The following CGAS variants were observed in gnomAD, a reference collection of about 807,000 sequenced individuals.
The protein encoded by CGAS is 2'3'-cGAMP synthase.
CGAS carries 31 observed loss-of-function variants against 34.0 expected under a neutral mutation model. That is an observed-to-expected ratio of 0.91 (90% CI 0.69 to 1.23). The LOEUF (loss-of-function observed/expected upper bound fraction) is 1.23. CGAS is among the 50% of genes most tolerant of loss of function. The pLI, the probability that CGAS is intolerant of heterozygous loss-of-function variation, is 0.00. For missense variants in CGAS, 597 were observed against 657.6 expected (o/e 0.91, Z 1.01); for synonymous variants, 266 against 260.0 (o/e 1.02, Z -0.22).
At position 73,444,344 on chromosome 6, in the gene CGAS, T is replaced by C. The variant is rs992897911; in HGVS notation, c.877+1184A>G. Among the ~76,000 whole-genome samples the C allele has an allele frequency of 3.3e-5, 5 of 150,868 alleles. No individual in the cohort carries two copies. The East Asian group carries it at 9.8e-4, about 29-fold the overall frequency. ...TTATTTTGAGATGGAGTTTCGCTCT[T>C]GTCACTCAGGCTGGAGTGCAATGCC... On this transcript the variant is annotated intron_variant, in intron 2 of 4. Transcript: ENST00000370315.
rs1302382797 is a variant in CGAS, at chr6:73,424,611, T to C, written c.*616A>G. The C allele has an allele frequency of 6.6e-6, 1 of 152,154 alleles. No homozygotes were observed. Among genetic ancestry groups the C allele is most frequent in the Non-Finnish European group, 1.5e-5 (1 of 68,036 alleles). The allele number at this position is 152,154 out of a possible 1,614,324, so 9.4% of individuals were successfully genotyped here. On this transcript the variant is annotated 3_prime_UTR_variant, in exon 5 of 5. Transcript: ENST00000370315. The stretch of plus-strand genomic sequence containing the variant: ...GATAAAGCAAACATGGTAATGTTTT[T>C]AGATTTCAAATACTACTTTTGCTTC...
At chr6:73,450,977 G>C (rs1332791547) in intron 1 of CGAS, among the ~76,000 whole-genome samples, 1 of 132,568 alleles carries the variant, frequency 7.5e-6, no homozygotes, top group African/African-American at 2.9e-5. Flanking sequence ...GGGACGCAGC[G>C]AGACTCCGCC....
intron 2 of CGAS, among the ~76,000 whole-genome samples, chr6:73,444,495 G>C (rs1770436677): frequency 6.6e-6 from 1 of 151,256 alleles, no homozygotes; most frequent in African/African-American, 2.4e-5. Context: ...TTTTAGTAGA[G>C]ATGGGGTTTC....
Position 73,425,570 on chromosome 6 carries a change from C to G in CGAS, c.1226G>C (p.Cys409Ser). The change falls in exon 5 of 5, where the codon TGT becomes TCT. Residue 409 changes from cysteine to serine, a missense_variant. Cys to Ser is a moderately radical substitution (Grantham distance 112). This residue lies in a region of CGAS where 271 missense variants were observed against 324.1 expected (regional missense o/e 0.84). Transcript: ENST00000370315. ...NKEEKCCRKD[C>S]LKLMKYLLEQ... ...TAAAAGGTATTTCATTAGTTTTAAACAATCTTTCCTGTTGAATAAAAAAGG... is the reference window on the plus strand; with the variant it reads ...TAAAAGGTATTTCATTAGTTTTAAAGAATCTTTCCTGTTGAATAAAAAAGG... 6 of 1,572,178 alleles carry G rather than the reference C, an allele frequency of 3.8e-6. No homozygotes were observed. The highest frequency in any genetic ancestry group is 5.2e-6 in the Non-Finnish European group (6 of 1,160,386).
intron 1 of CGAS, among the ~76,000 whole-genome samples, chr6:73,451,047 G>A (rs569277712): frequency 6.6e-6 from 1 of 151,868 alleles, no homozygotes; most frequent in African/African-American, 2.4e-5. Context: ...GGGGTCAGAC[G>A]GGATAGCAGG....
chr6:73,436,754 C>T (rs986372212), intron 3 of CGAS, among the ~76,000 whole-genome samples: 2 of 151,012 alleles, frequency 1.3e-5, no homozygotes, highest in Non-Finnish European at 1.5e-5. Flanking sequence ...AACTCCTGAG[C>T]TCAAATGATC....
intron 3 of CGAS, among the ~76,000 whole-genome samples, chr6:73,438,166 A>C (rs1020770158): frequency 1.2e-4 from 18 of 152,248 alleles, no homozygotes; most frequent in African/African-American, 3.6e-4. Context: ...TGTTTAGAGA[A>C]AGAAAAGATA....
chr6:73,451,382 A>T, intron 1 of CGAS, 143 bp downstream of exon 1: 2 of 953,754 alleles, frequency 2.1e-6, no homozygotes, highest in Non-Finnish European at 3.1e-6. Flanking sequence ...TTGTCGTTTT[A>T]CTTAGACTAG....
At chr6:73,437,659 A>G (rs1166701730) in intron 3 of CGAS, among the ~76,000 whole-genome samples, 1 of 152,208 alleles carries the variant, frequency 6.6e-6, no homozygotes, top group African/African-American at 2.4e-5. Context: ...TTTTATCTTA[A>G]GAACAAAAAA....
In CGAS at chr6:73,425,322, A is replaced by C; in HGVS notation, c.1474T>G (p.Ser492Ala). 3 of 1,609,178 alleles carry C rather than the reference A, an allele frequency of 1.9e-6. No individual in the cohort carries two copies. Among genetic ancestry groups the C allele is most frequent in the Non-Finnish European group, 1.7e-6 (2 of 1,178,938 alleles). The change falls in exon 5 of 5, where the codon TCT (serine) becomes GCT (alanine). Residue 492 changes from serine to alanine, a missense_variant. Ser to Ala is a moderately conservative substitution (Grantham distance 99). Coordinates refer to ENST00000370315, the MANE Select transcript of CGAS (RefSeq NM_138441.3). Reference sequence around the variant, plus strand: ...CTTCTTTTGTCAATTAAGTTGCTAGAGAATAGATTGAATTCAGGAATAAAA... The same window carrying C: ...CTTCTTTTGTCAATTAAGTTGCTAGCGAATAGATTGAATTCAGGAATAAAA... ...NYFIPEFNLF[S>A]SNLIDKRSKE...
intron 1 of CGAS, among the ~76,000 whole-genome samples, chr6:73,449,402 T>C (rs904015058): frequency 4.0e-5 from 6 of 150,784 alleles, no homozygotes; most frequent in South Asian, 2.1e-4. Context: ...GTGAACCCAG[T>C]AGGCAGGGCT....
At chr6:73,435,668 A>G in intron 3 of CGAS, among the ~76,000 whole-genome samples, 1 of 151,714 alleles carries the variant, frequency 6.6e-6, no homozygotes, top group Non-Finnish European at 1.5e-5. Context: ...CCTGGCCATG[A>G]TGGCTCATGC....
At chr6:73,438,473 G>A (rs545257056) in intron 3 of CGAS, among the ~76,000 whole-genome samples, 2 of 152,104 alleles carry the variant, frequency 1.3e-5, no homozygotes, top group Non-Finnish European at 2.9e-5. Context: ...TGAGGCGGGT[G>A]GATCACGAGG....
chr6:73,427,995 T>C (rs1770117792), intron 4 of CGAS, among the ~76,000 whole-genome samples: 2 of 152,068 alleles, frequency 1.3e-5, no homozygotes, highest in Admixed American at 1.3e-4. Flanking sequence ...AAATTTTTTA[T>C]GGAGGTGGGG....
chr6:73,432,926 A>G (rs955164233), intron 3 of CGAS, among the ~76,000 whole-genome samples: 2 of 152,112 alleles, frequency 1.3e-5, no homozygotes, highest in Non-Finnish European at 2.9e-5. Context: ...TCTACTAAAA[A>G]TACAAAAACT....
intron 2 of CGAS, among the ~76,000 whole-genome samples, chr6:73,443,068 C>G (rs768216374): frequency 7.2e-5 from 11 of 151,948 alleles, no homozygotes; most frequent in African/African-American, 2.7e-4. Context: ...TGCAACCCTG[C>G]CTTTTCACTC....
intron 2 of CGAS, 112 bp downstream of exon 2, chr6:73,445,416 C>T (rs1360197064): frequency 1.3e-5 from 8 of 622,416 alleles, no homozygotes; most frequent in East Asian, 3.0e-5. Flanking sequence ...CTTGACCTCT[C>T]TACTGCACTT....
intron 2 of CGAS, 115 bp downstream of exon 2, chr6:73,445,413 T>G: frequency 3.4e-6 from 2 of 592,528 alleles, no homozygotes; most frequent in South Asian, 4.7e-5. Context: ...TTTCTTGACC[T>G]CTCTACTGCA....
At chr6:73,425,647 A>G in intron 4 of CGAS, 69 bp from the exon 5 acceptor site, 1 of 981,790 alleles carries the variant, frequency 1.0e-6, no homozygotes, top group Non-Finnish European at 1.5e-6. Flanking sequence ...TAGGCATCTC[A>G]TAGCAAAAAT....
Sources: gnomAD v4.1 joint callset for allele counts (sites outside exome capture counted in the v4.1 genomes callset) on GRCh38, gnomAD v4.1.1 for gene constraint, gnomAD v4.1.1 regional missense constraint, MANE v1.5 for transcripts, NCBI Gene and HGNC (gene_info 2026-07-23, HGNC 2026-07-21) for gene names.